Variants in CDH13 observed in about 807,000 individuals in gnomAD.
The protein encoded by CDH13 is cadherin 13.
In CDH13, 24 loss-of-function variants were observed where a neutral mutation model predicts 63.8. The observed-to-expected ratio is 0.38, with a 90% CI of 0.27 to 0.53. The LOEUF is 0.53. Ranked by LOEUF, CDH13 falls within the 20% of genes least tolerant of loss-of-function variation. The pLI is 0.85. For synonymous variants in CDH13, 503 were observed against 355.3 expected, an observed-to-expected ratio of 1.42 and a Z score of -4.67; for missense variants, 1,049 against 903.1, an observed-to-expected ratio of 1.16 and a Z score of -2.07.
intron 1 of CDH13, among the ~76,000 whole-genome samples, chr16:82,719,108 G>T (rs182491375): frequency 6.6e-6 from 1 of 152,270 alleles, no homozygotes; most frequent in Admixed American, 6.5e-5. Flanking sequence ...AAAGTTATTT[G>T]CAGTTTGTGA....
chr16:83,706,067 C>T (rs1365753566), intron 10 of CDH13, among the ~76,000 whole-genome samples: 1 of 152,190 alleles, frequency 6.6e-6, no homozygotes, highest in Non-Finnish European at 1.5e-5. Flanking sequence ...AGCAGCCTAT[C>T]TCTGTGCCTC....
chr16:83,271,002 C>G (rs569467617), intron 5 of CDH13, among the ~76,000 whole-genome samples: 1 of 150,966 alleles, frequency 6.6e-6, no homozygotes, highest in Non-Finnish European at 1.5e-5. Context: ...TCTCTCATTC[C>G]CTTCCTCCCC....
intron 4 of CDH13, among the ~76,000 whole-genome samples, chr16:83,185,794 A>T (rs1015944726): frequency 9.9e-5 from 15 of 152,236 alleles, no homozygotes; most frequent in African/African-American, 3.4e-4. Context: ...GTGACAACTT[A>T]CAACAGCTCA....
chr16:83,022,706 A>G (rs1234396604), intron 2 of CDH13, among the ~76,000 whole-genome samples: 1 of 152,136 alleles, frequency 6.6e-6, no homozygotes. Flanking sequence ...GCATCCTTGC[A>G]CACATGTACA....
chr16:83,070,256 A>T (rs2151540548), intron 3 of CDH13, among the ~76,000 whole-genome samples: 1 of 152,290 alleles, frequency 6.6e-6, no homozygotes, highest in East Asian at 1.9e-4. Context: ...CCCTATAACT[A>T]AATATTTGAT....
Position 83,125,507 on chromosome 16 carries a change from TCAGA to T in CDH13, c.483+9_483+12del. On this transcript the variant is annotated splice_region_variant and intron_variant, in intron 4 of 13. Coordinates refer to ENST00000567109, the MANE Select transcript of CDH13 (RefSeq NM_001257.5). ...TCCCAAGAGATGTTGGCAAGGTAAG[TCAGA>T]CAAACAGCAAATGACAAAAACATGT... 2 of 1,439,280 alleles carry T rather than the reference TCAGA, an allele frequency of 1.4e-6. No homozygotes were observed. Among genetic ancestry groups the T allele is most frequent in the Non-Finnish European group, 2.0e-6 (2 of 1,021,230 alleles). The allele number at this position is 1,439,280 out of a possible 1,614,324, so 89.2% of individuals were successfully genotyped here. A position where few individuals can be genotyped will look rare whatever the true frequency, so the allele number is the denominator to read the frequency against.
At chr16:83,528,705 C>T (rs1216166648) in intron 7 of CDH13, among the ~76,000 whole-genome samples, 3 of 152,166 alleles carry the variant, frequency 2.0e-5, no homozygotes, top group Non-Finnish European at 4.4e-5. Context: ...TGAGATGTAA[C>T]GAACAGCATT....
rs115752999 is a variant in CDH13 at position 83,794,728 on chromosome 16, G to A, written c.2135-295G>A. 4.8e-3 allele frequency among the ~76,000 whole-genome samples: 731 copies of A among 152,156 alleles called. 8 individuals carry two copies. The highest frequency in any genetic ancestry group is 0.017 in the African/African-American group (689 of 41,496). On this transcript the variant is annotated intron_variant, in intron 13 of 13. Coordinates refer to ENST00000567109, the MANE Select transcript of CDH13 (RefSeq NM_001257.5). The stretch of plus-strand genomic sequence containing the variant: ...TCATAAAATAGCCAAGCTCTGTGCT[G>A]AGAGACAAAGACATAAGGCTCATTG...
At chr16:82,650,107 C>T (rs1233415100) in intron 1 of CDH13, among the ~76,000 whole-genome samples, 1 of 152,184 alleles carries the variant, frequency 6.6e-6, no homozygotes, top group Non-Finnish European at 1.5e-5. Context: ...CAACATTGCT[C>T]TACCTGCAAG....
At chr16:83,599,617 C>A (rs905367956) in intron 7 of CDH13, among the ~76,000 whole-genome samples, 6 of 151,548 alleles carry the variant, frequency 4.0e-5, no homozygotes, top group African/African-American at 1.5e-4. Context: ...CACAAATAAC[C>A]AAAAGGCCTA....
chr16:82,764,275 G>C (rs560769091), intron 1 of CDH13, among the ~76,000 whole-genome samples: 1 of 152,328 alleles, frequency 6.6e-6, no homozygotes, highest in Admixed American at 6.5e-5. Context: ...TCTAGAAACT[G>C]AATTCAGCAG....
intron 10 of CDH13, among the ~76,000 whole-genome samples, chr16:83,680,328 G>A (rs1007557682): frequency 6.6e-6 from 1 of 152,172 alleles, no homozygotes; most frequent in African/African-American, 2.4e-5. Flanking sequence ...GTGATCAACC[G>A]GGATGATGTT....
At chr16:83,024,140 A>G (rs1371022286) in intron 2 of CDH13, among the ~76,000 whole-genome samples, 1 of 152,192 alleles carries the variant, frequency 6.6e-6, no homozygotes, top group Admixed American at 6.5e-5. Context: ...GTTGGATGGC[A>G]AGGAATGTAG....
chr16:82,673,248 C>A (rs1478145208), intron 1 of CDH13, among the ~76,000 whole-genome samples: 1 of 152,042 alleles, frequency 6.6e-6, no homozygotes. Context: ...CCTTTTGTTT[C>A]TCTTCTCAGC....
chr16:82,728,689 A>G (rs1387528549), intron 1 of CDH13, among the ~76,000 whole-genome samples: 1 of 152,166 alleles, frequency 6.6e-6, no homozygotes, highest in Non-Finnish European at 1.5e-5. Context: ...CTGAAGGCTA[A>G]GGTGAATTGG....
chr16:82,959,853 C>T (rs757112274), intron 2 of CDH13, among the ~76,000 whole-genome samples: 5 of 152,100 alleles, frequency 3.3e-5, no homozygotes, highest in South Asian at 2.1e-4. Flanking sequence ...TTTATGAGTA[C>T]GGCAGCTATG....
At chr16:82,634,195 A>G (rs1908373290) in intron 1 of CDH13, among the ~76,000 whole-genome samples, 1 of 152,270 alleles carries the variant, frequency 6.6e-6, no homozygotes, top group Admixed American at 6.5e-5. Context: ...AAATGAGCTC[A>G]GCCTCTGGAG....
At chr16:82,656,310 TGC>T (rs1911286900) in intron 1 of CDH13, among the ~76,000 whole-genome samples, 1 of 145,716 alleles carries the variant, frequency 6.9e-6, no homozygotes, top group African/African-American at 2.7e-5. Context: ...TTGAATGGTG[TGC>T]GTGTGTGTGT....
At position 82,784,449 on chromosome 16, in the gene CDH13, A is replaced by C. The variant is rs368596260; in HGVS notation, c.46-73913A>C. Reference sequence around the variant, plus strand: ...TGTGTACAGGAAGAAGGGACAGCGAATGCTCTCCCCCACACCCTGCTTTCA... The same window carrying C: ...TGTGTACAGGAAGAAGGGACAGCGACTGCTCTCCCCCACACCCTGCTTTCA... On this transcript the variant is annotated intron_variant, in intron 1 of 13. Transcript: ENST00000567109. Among the ~76,000 whole-genome samples the C allele has an allele frequency of 4.6e-5, 7 of 152,226 alleles. No individual in the cohort carries two copies. In the East Asian group the frequency reaches 5.8e-4, roughly 13 times the overall value.
Sources: allele counts gnomAD v4.1 joint callset (sites outside exome capture counted in the v4.1 genomes callset), GRCh38; gene constraint gnomAD v4.1.1; transcripts MANE v1.5; gene names NCBI Gene and HGNC (gene_info 2026-07-23, HGNC 2026-07-21).